Variants in CSF1R observed in about 807,000 individuals in gnomAD.
CSF1R encodes the protein macrophage colony-stimulating factor 1 receptor.
In CSF1R, 40 loss-of-function variants were observed where a neutral mutation model predicts 110.0. The observed-to-expected ratio is 0.36, with a 90% CI of 0.28 to 0.47. The LOEUF is 0.47. CSF1R is among the 20% of genes least tolerant of loss of function. The pLI, the probability that CSF1R is intolerant of heterozygous loss-of-function variation, is 0.99. For missense variants in CSF1R, 1,052 were observed against 1,253.0 expected (o/e 0.84, Z 2.42); for synonymous variants, 523 against 503.4 (o/e 1.04, Z -0.52).
chr5:150,110,697 T>C (rs549370256), intron 1 of CSF1R, among the ~76,000 whole-genome samples: 1 of 152,242 alleles, frequency 6.6e-6, no homozygotes, highest in African/African-American at 2.4e-5. Flanking sequence ...AAAACAACTT[T>C]GAAAAATATA....
intron 1 of CSF1R, among the ~76,000 whole-genome samples, chr5:150,096,885 G>A (rs1040166117): frequency 5.9e-5 from 9 of 152,288 alleles, no homozygotes; most frequent in African/African-American, 2.2e-4. Context: ...CCTCTAAGAT[G>A]AGAAACAAGG....
chr5:150,061,966 C>T, intron 10 of CSF1R, 117 bp from the exon 11 acceptor site: 2 of 1,406,498 alleles, frequency 1.4e-6, no homozygotes, highest in Non-Finnish European at 2.0e-6. Flanking sequence ...TGGGAGAAGG[C>T]AGGGCAAGGC....
Position 150,054,022 on chromosome 5 carries a change from G to C in CSF1R, c.*47C>G, listed in dbSNP as rs1333467108. The C allele has an allele frequency of 6.3e-7, 1 of 1,587,350 alleles. No homozygotes were observed. Among genetic ancestry groups the C allele is most frequent in the Non-Finnish European group, 8.6e-7 (1 of 1,159,230 alleles). On this transcript the variant is annotated 3_prime_UTR_variant, in exon 21 of 21. Transcript: ENST00000675795. The stretch of plus-strand genomic sequence containing the variant: ...CCCGTGTCGCCCCATCCATGGAGGA[G>C]TTGAAGTTTGTGGGAGGGGAGAGTG...
intron 14 of CSF1R, among the ~76,000 whole-genome samples, 177 bp from the exon 15 acceptor site, chr5:150,057,769 G>A (rs765124862): frequency 2.0e-5 from 3 of 152,160 alleles, no homozygotes; most frequent in East Asian, 1.9e-4. Context: ...CCCCGGTGAG[G>A]GAGCTTACAA....
intron 1 of CSF1R, among the ~76,000 whole-genome samples, chr5:150,096,936 T>A (rs192550903): frequency 6.6e-6 from 1 of 152,138 alleles, no homozygotes; most frequent in South Asian, 2.1e-4. Context: ...TATTCAACAG[T>A]GTACTGGAGA....
chr5:150,109,253 T>A (rs1490528899), intron 1 of CSF1R, among the ~76,000 whole-genome samples: 1 of 152,188 alleles, frequency 6.6e-6, no homozygotes, highest in Admixed American at 6.5e-5. Flanking sequence ...TTGATGGCTC[T>A]GAGCCTCAAC....
rs190101086 is a variant in CSF1R at position 150,103,530 on chromosome 5, C to T, written c.-181+9731G>A. ...TTACTCTCATCAGATCAACAACATG[C>T]AAGGTCATCAATGTGACATTAACTT... On this transcript the variant is annotated intron_variant, in intron 1 of 21. Transcript: ENST00000286301. Among the ~76,000 whole-genome samples the T allele has an allele frequency of 3.5e-4, 54 of 152,364 alleles. No individual in the cohort carries two copies. The East Asian group carries it at 9.1e-3, about 26-fold the overall frequency.
intron 14 of CSF1R, among the ~76,000 whole-genome samples, 185 bp from the exon 15 acceptor site, chr5:150,057,777 C>T (rs1186128944): frequency 6.6e-6 from 1 of 152,218 alleles, no homozygotes; most frequent in Non-Finnish European, 1.5e-5. Context: ...AGGGAGCTTA[C>T]AACCCATTCT....
intron 5 of CSF1R, among the ~76,000 whole-genome samples, chr5:150,074,246 T>A (rs1758155702): frequency 1.3e-5 from 2 of 152,140 alleles, no homozygotes; most frequent in South Asian, 4.2e-4. Context: ...AAAAAAATCC[T>A]TTTAATTAGG....
chr5:150,084,452 A>AAGGAAGGAAGGG (rs1440617992), intron 1 of CSF1R, among the ~76,000 whole-genome samples: 29 of 84,216 alleles, frequency 3.4e-4, no homozygotes, highest in Non-Finnish European at 5.0e-4. Context: ...GGAAGGAAGG[A>AAGGAAGGAAGGG]AGGAAGAAAG....
intron 3 of CSF1R, among the ~76,000 whole-genome samples, chr5:150,079,776 G>A (rs1448376614): frequency 6.6e-6 from 1 of 152,202 alleles, no homozygotes; most frequent in Non-Finnish European, 1.5e-5. Flanking sequence ...TCCTTATTCA[G>A]CTACCATGTT....
chr5:150,096,342 A>C (rs1301408979), intron 1 of CSF1R, among the ~76,000 whole-genome samples: 1 of 152,222 alleles, frequency 6.6e-6, no homozygotes, highest in Non-Finnish European at 1.5e-5. Context: ...GTGAGCTGAG[A>C]TCGTGCCATT....
At chr5:150,064,577 A>C (rs1757676893) in intron 10 of CSF1R, among the ~76,000 whole-genome samples, 1 of 152,168 alleles carries the variant, frequency 6.6e-6, no homozygotes, top group African/African-American at 2.4e-5. Flanking sequence ...AAAGACAGCA[A>C]CAAGGCAAGG....
At chr5:150,104,761 A>G (rs1297871266) in intron 1 of CSF1R, among the ~76,000 whole-genome samples, 2 of 152,210 alleles carry the variant, frequency 1.3e-5, no homozygotes, top group Non-Finnish European at 2.9e-5. Context: ...TTTTAGATGT[A>G]TGAAGAGTGA....
At chr5:150,098,162 A>G (rs148583292) in intron 1 of CSF1R, among the ~76,000 whole-genome samples, 90 of 152,314 alleles carry the variant, frequency 5.9e-4, no homozygotes, top group African/African-American at 1.9e-3. Context: ...AAAAAGTGGT[A>G]CTGGAACAAC....
intron 1 of CSF1R, among the ~76,000 whole-genome samples, chr5:150,098,081 T>G (rs1171699720): frequency 6.6e-6 from 1 of 152,166 alleles, no homozygotes; most frequent in African/African-American, 2.4e-5. Context: ...GAAATAGAAC[T>G]GCACATATGT....
Position 150,070,278 on chromosome 5 carries a change from C to G in CSF1R, c.1223G>C (p.Trp408Ser). ...LRYPPEVSVI[W>S]TFINGSGTLL... ...GGTGCCAGAGCCGTTGATGAATGTC[C>G]ATATGACGCTTACCTCTGGGGGGTC... Residue 408 changes from tryptophan (W) to serine (S), a missense_variant, in exon 8 of 21, where the codon TGG (tryptophan) becomes TCG (serine). By Grantham distance (177) the Trp-to-Ser change is radical. Transcript: ENST00000675795. 1 of 1,614,144 alleles carries G rather than the reference C, an allele frequency of 6.2e-7. No individual in the cohort carries two copies. Among genetic ancestry groups the G allele is most frequent in the Non-Finnish European group, 8.5e-7 (1 of 1,180,004 alleles).
Position 150,054,085 on chromosome 5 carries a change from T to C in CSF1R, c.2903A>G (p.Asn968Ser), listed in dbSNP as rs775465143. The C allele has an allele frequency of 1.2e-6, 2 of 1,614,040 alleles. No homozygotes were observed. Among genetic ancestry groups the C allele is most frequent in the East Asian group, 4.5e-5 (2 of 44,866 alleles). Residue 968 changes from asparagine to serine, a missense_variant, in exon 21 of 21, where the codon AAC becomes AGC. Physicochemically the swap from Asn to Ser is conservative, Grantham distance 46. Coordinates refer to ENST00000675795, the MANE Select transcript of CSF1R (RefSeq NM_001288705.3). ...DIAQPLLQPN[N>S]YQFC is the part of the protein sequence containing the mutation. ...GTCAACTCCTCAGCAGAACTGATAG[T>C]TGTTGGGCTGCAGCAAGGGCTGGGC...
chr5:150,111,971 G>C (rs1297590620), intron 1 of CSF1R, among the ~76,000 whole-genome samples: 4 of 152,150 alleles, frequency 2.6e-5, no homozygotes, highest in African/African-American at 9.7e-5. Flanking sequence ...TGGACTAAAT[G>C]ACACGCTGGT....
Sources: allele counts gnomAD v4.1 joint callset (sites outside exome capture counted in the v4.1 genomes callset), GRCh38; gene constraint gnomAD v4.1.1; transcripts MANE v1.5; gene names NCBI Gene and HGNC (gene_info 2026-07-23, HGNC 2026-07-21).